Variants in ABCA4 observed in about 807,000 individuals in gnomAD.
ABCA4 encodes retinal-specific phospholipid-transporting ATPase ABCA4.
ABCA4 carries 196 observed loss-of-function variants against 263.7 expected under a neutral mutation model. The ratio of observed to expected loss-of-function variants is 0.74; its 90% confidence interval spans 0.66 to 0.84. The LOEUF is 0.84. ABCA4 is among the 40% of genes least tolerant of loss of function. The pLI, the probability that ABCA4 is intolerant of heterozygous loss-of-function variation, is 0.00. For missense variants in ABCA4, 2,792 were observed against 2,855.1 expected, an observed-to-expected ratio of 0.98 and a Z score of 0.50; for synonymous variants, 1,133 against 1,094.2, an observed-to-expected ratio of 1.04 and a Z score of -0.70.
intron 11 of ABCA4, among the ~76,000 whole-genome samples, chr1:94,075,913 G>C (rs560748026): frequency 3.9e-5 from 6 of 152,344 alleles, no homozygotes; most frequent in African/African-American, 1.4e-4. Context: ...ATCTGGGAGA[G>C]GGGTCTGAGA....
intron 26 of ABCA4, among the ~76,000 whole-genome samples, chr1:94,033,396 C>T (rs1660256360): frequency 6.7e-6 from 1 of 148,500 alleles, no homozygotes; most frequent in African/African-American, 2.5e-5. Flanking sequence ...TGTATTCCAG[C>T]CTGGGTGACA....
intron 16 of ABCA4, among the ~76,000 whole-genome samples, chr1:94,053,389 AAAC>A (rs985206583): frequency 6.6e-6 from 1 of 152,168 alleles, no homozygotes; most frequent in Admixed American, 6.5e-5. Flanking sequence ...GTTGGTGCCA[AAAC>A]AACAACAACA....
intron 1 of ABCA4, among the ~76,000 whole-genome samples, chr1:94,115,979 C>A (rs1662747531): frequency 6.6e-6 from 1 of 152,150 alleles, no homozygotes; most frequent in East Asian, 1.9e-4. Context: ...GACCAGCCAG[C>A]TTGGCCTGCC....
intron 11 of ABCA4, among the ~76,000 whole-genome samples, chr1:94,065,305 C>G (rs966452578): frequency 6.6e-6 from 1 of 152,194 alleles, no homozygotes; most frequent in African/African-American, 2.4e-5. Flanking sequence ...TTCAACGAGT[C>G]TGAGTGACTC....
intron 32 of ABCA4, 67 bp downstream of exon 32, chr1:94,023,319 A>G (rs1418273780): frequency 5.1e-6 from 7 of 1,378,218 alleles, no homozygotes; most frequent in Non-Finnish European, 6.1e-6. Context: ...GTGCCTTTTA[A>G]AAGTGTGCAA....
chr1:94,080,860 C>A, intron 7 of ABCA4, 142 bp from the exon 8 acceptor site: 1 of 1,308,726 alleles, frequency 7.6e-7, no homozygotes, highest in South Asian at 1.3e-5. Flanking sequence ...AATCCAGCTG[C>A]GAAAAACAAA....
chr1:94,021,198 A>G, intron 35 of ABCA4, 42 bp downstream of exon 35: 1 of 1,613,098 alleles, frequency 6.2e-7, no homozygotes, highest in Non-Finnish European at 8.5e-7. Flanking sequence ...AGAGTGGAGA[A>G]GGTGACAAGA....
intron 24 of ABCA4, 45 bp downstream of exon 24, chr1:94,039,998 G>A: frequency 6.7e-7 from 1 of 1,489,782 alleles, no homozygotes; most frequent in Non-Finnish European, 9.2e-7. Flanking sequence ...AATACTGGGA[G>A]ATGGCTGCCA....
chr1:94,076,862 G>A (rs1289127645), intron 11 of ABCA4, among the ~76,000 whole-genome samples: 1 of 152,200 alleles, frequency 6.6e-6, no homozygotes, highest in African/African-American at 2.4e-5. Context: ...AGGCAGAGTT[G>A]AGAGATATTT....
At chr1:94,011,164 C>A in intron 39 of ABCA4, 98 bp downstream of exon 39, 1 of 1,601,708 alleles carries the variant, frequency 6.2e-7, no homozygotes, top group Non-Finnish European at 8.5e-7. Flanking sequence ...CCCCTCCTAG[C>A]ACCAGCCCCT....
chr1:94,039,320 T>A (rs1660425828), intron 24 of ABCA4, among the ~76,000 whole-genome samples: 2 of 152,226 alleles, frequency 1.3e-5, no homozygotes, highest in South Asian at 4.1e-4. Context: ...AGTTAGTAAA[T>A]TCTTAACATT....
chr1:94,063,752 A>G (rs917237589), intron 11 of ABCA4, among the ~76,000 whole-genome samples: 1 of 152,192 alleles, frequency 6.6e-6, no homozygotes, highest in Admixed American at 6.5e-5. Flanking sequence ...CTAGCCTTGA[A>G]CCTTTCTGGC....
At position 94,021,807 on chromosome 1, in the gene ABCA4, G is replaced by T. The variant is rs771944575; in HGVS notation, c.4773+39C>A. On this transcript the variant is annotated intron_variant, in intron 33 of 49. Coordinates refer to ENST00000370225, the MANE Select transcript of ABCA4 (RefSeq NM_000350.3). ...TTTCTCATTCATGGTAGTTAAGCAA[G>T]TCAAAAATCCTACTCAAATCTCCAG... The T allele has an allele frequency of 5.6e-6, 9 of 1,609,156 alleles. No homozygotes were observed. In the South Asian group the frequency reaches 9.9e-5, roughly 18 times the overall value.
rs1443021458 is a variant in ABCA4 at position 93,996,330 on chromosome 1, G to A, written c.6730-135C>T. On this transcript the variant is annotated intron_variant, in intron 48 of 49. Coordinates refer to ENST00000370225, the MANE Select transcript of ABCA4 (RefSeq NM_000350.3). ...TGGTATGGCTTGTGTCCTACCCGGGGGAGGCTGGCCCACTCACAGAAGCCT... is the reference window on the plus strand; with the variant it reads ...TGGTATGGCTTGTGTCCTACCCGGGAGAGGCTGGCCCACTCACAGAAGCCT... 5.3e-6 allele frequency: 4 copies of A among 748,394 alleles called. No homozygotes were observed. In the Admixed American group the frequency reaches 8.1e-5, roughly 15 times the overall value. 46.4% of individuals were successfully genotyped at this position (748,394 alleles called of 1,614,324 possible).
chr1:94,065,380 G>A (rs1661242764), intron 11 of ABCA4, among the ~76,000 whole-genome samples: 2 of 152,164 alleles, frequency 1.3e-5, no homozygotes, highest in Non-Finnish European at 2.9e-5. Context: ...TACTACCCGA[G>A]AAATAAAGAA....
At chr1:94,073,740 G>A (rs12239661) in intron 11 of ABCA4, among the ~76,000 whole-genome samples, 3 of 152,102 alleles carry the variant, frequency 2.0e-5, no homozygotes, top group Non-Finnish European at 4.4e-5. Context: ...GGCTGCATTA[G>A]GAACAAGCTG....
chr1:94,038,162 G>C (rs563257352), intron 24 of ABCA4, among the ~76,000 whole-genome samples: 35 of 152,026 alleles, frequency 2.3e-4, no homozygotes, highest in African/African-American at 8.0e-4. Context: ...CATGGAGAGA[G>C]GCTGGGGGAG....
chr1:94,017,726 A>T (rs999275654), intron 36 of ABCA4, among the ~76,000 whole-genome samples: 3 of 151,962 alleles, frequency 2.0e-5, no homozygotes, highest in Non-Finnish European at 2.9e-5. Flanking sequence ...GAGGGGTGTG[A>T]GAGAGAGAGA....
rs886041951 is a variant in ABCA4, at chr1:94,083,357, G to C, written c.853C>G (p.Gln285Glu). The change falls in exon 7 of 50, where the codon CAA becomes GAA. Residue 285 changes from glutamine (Q) to glutamate (E), a missense_variant. Physicochemically the swap from Gln to Glu is conservative, Grantham distance 29. Transcript: ENST00000370225. ...ACTACCATCAGGCTACTCACCTCTT[G>C]AATTCTTGGTGACATATCAGATAAT... ...GILSDMSPRI[Q>E]EFIHRPSMQD... 7 of 1,607,756 alleles carry C rather than the reference G, an allele frequency of 4.4e-6. No individual in the cohort carries two copies. Among genetic ancestry groups the C allele is most frequent in the Non-Finnish European group, 6.0e-6 (7 of 1,174,796 alleles).
Sources: gnomAD v4.1 joint callset for allele counts (sites outside exome capture counted in the v4.1 genomes callset) on GRCh38, gnomAD v4.1.1 for gene constraint, MANE v1.5 for transcripts, NCBI Gene and HGNC (gene_info 2026-07-23, HGNC 2026-07-21) for gene names.